Variants in RORA observed in about 807,000 individuals in gnomAD.
The protein encoded by RORA is RAR related orphan receptor A, also known as nuclear receptor ROR-alpha.
In RORA, 7 loss-of-function variants were observed where a neutral mutation model predicts 69.5. The ratio of observed to expected loss-of-function variants is 0.10; its 90% CI spans 0.06 to 0.19. RORA has a LOEUF of 0.19. Among genes scored for constraint, RORA ranks in the 10% least tolerant of loss-of-function variants. RORA has a pLI of 1.00. For synonymous variants in RORA, 261 were observed against 240.8 expected, an observed-to-expected ratio of 1.08 and a Z score of -0.78; for missense variants, 457 against 663.0, an observed-to-expected ratio of 0.69 and a Z score of 3.41.
intron 2 of RORA, among the ~76,000 whole-genome samples, chr15:60,676,441 G>A (rs78513102): frequency 1.7e-4 from 26 of 152,132 alleles, no homozygotes; most frequent in Admixed American, 8.5e-4. Context: ...TTTGTCATTC[G>A]GCCATTTTTT....
chr15:60,755,479 T>C (rs893431297), intron 1 of RORA, among the ~76,000 whole-genome samples: 1 of 152,144 alleles, frequency 6.6e-6, no homozygotes, highest in South Asian at 2.1e-4. Context: ...GCATGATTTA[T>C]AATCCTTTGG....
chr15:60,666,481 G>A (rs1596109271), intron 2 of RORA, among the ~76,000 whole-genome samples: 1 of 150,034 alleles, frequency 6.7e-6, no homozygotes, highest in South Asian at 2.1e-4. Flanking sequence ...CACCACACCC[G>A]GCCAAAAAAA....
chr15:61,079,590 C>T (rs1017226113), intron 1 of RORA, among the ~76,000 whole-genome samples: 1 of 152,198 alleles, frequency 6.6e-6, no homozygotes, highest in African/African-American at 2.4e-5. Context: ...GTAAAAAATG[C>T]ATAACTCCAT....
intron 2 of RORA, among the ~76,000 whole-genome samples, chr15:60,552,940 G>T (rs1040328167): frequency 1.3e-5 from 2 of 152,110 alleles, no homozygotes; most frequent in African/African-American, 4.8e-5. Flanking sequence ...GACAGCCTTG[G>T]ACCCCAATGC....
At chr15:60,885,286 G>A (rs569345993) in intron 1 of RORA, among the ~76,000 whole-genome samples, 1 of 152,294 alleles carries the variant, frequency 6.6e-6, no homozygotes, top group Admixed American at 6.5e-5. Context: ...CTCTGTAGTA[G>A]AACCATGTAG....
chr15:61,163,408 T>C (rs1339484065), intron 1 of RORA, among the ~76,000 whole-genome samples: 1 of 152,138 alleles, frequency 6.6e-6, no homozygotes, highest in Non-Finnish European at 1.5e-5. Flanking sequence ...CCAGAAGACA[T>C]AAATTCTGCC....
Position 61,131,985 on chromosome 15 carries a change from T to C in RORA, c.166+97068A>G, listed in dbSNP as rs936562721. 6.6e-6 allele frequency among the ~76,000 whole-genome samples: 1 copy of C among 152,248 alleles called. No homozygotes were observed. Among genetic ancestry groups the C allele is most frequent in the Non-Finnish European group, 1.5e-5 (1 of 68,040 alleles). On this transcript the variant is annotated intron_variant, in intron 1 of 10. Transcript: ENST00000335670. The surrounding 1 kb of genome is among the most constrained non-coding windows in gnomAD (Gnocchi z 4.2). ...AGATGGAACTTATGGGTAGAATTCA[T>C]GCCCCTTGGGGCATTCTCCATTGCC...
chr15:60,762,874 G>A (rs1343715905), intron 1 of RORA, among the ~76,000 whole-genome samples: 2 of 151,976 alleles, frequency 1.3e-5, no homozygotes, highest in African/African-American at 2.4e-5. Context: ...TAGAACTTCC[G>A]CTACCTGATT....
At chr15:60,994,031 A>G (rs1164639128) in intron 1 of RORA, among the ~76,000 whole-genome samples, 1 of 152,224 alleles carries the variant, frequency 6.6e-6, no homozygotes, top group African/African-American at 2.4e-5. Flanking sequence ...GCACTAAGTA[A>G]CTTGGTAAAA....
chr15:61,001,351 T>A (rs543703141), intron 1 of RORA, among the ~76,000 whole-genome samples: 30 of 152,350 alleles, frequency 2.0e-4, no homozygotes, highest in African/African-American at 7.2e-4. Flanking sequence ...CACAAAATAA[T>A]CTGCTTCCTG....
At chr15:60,783,068 C>G (rs1188560209) in intron 1 of RORA, among the ~76,000 whole-genome samples, 1 of 152,126 alleles carries the variant, frequency 6.6e-6, no homozygotes, top group East Asian at 1.9e-4. Context: ...GACATACACA[C>G]AAAATTCCAG....
At chr15:61,184,986 CAAA>C (rs775960162) in intron 1 of RORA, among the ~76,000 whole-genome samples, 5 of 59,658 alleles carry the variant, frequency 8.4e-5, no homozygotes, top group South Asian at 7.2e-4. Flanking sequence ...CCCTGTCTCT[CAAA>C]AAAAAAAAAA....
intron 2 of RORA, among the ~76,000 whole-genome samples, chr15:60,586,234 T>C (rs2068330776): frequency 6.6e-6 from 1 of 152,224 alleles, no homozygotes; most frequent in Non-Finnish European, 1.5e-5. Context: ...AAGTTTTTCA[T>C]CTTTAAGTCA....
intron 1 of RORA, among the ~76,000 whole-genome samples, chr15:61,142,676 A>G (rs1300966285): frequency 6.6e-6 from 1 of 152,228 alleles, no homozygotes; most frequent in Non-Finnish European, 1.5e-5. Context: ...AATAGAGCTT[A>G]TTAAAGGGAT....
intron 2 of RORA, among the ~76,000 whole-genome samples, chr15:60,569,264 A>T (rs1346091869): frequency 2.0e-4 from 26 of 131,592 alleles, no homozygotes; most frequent in African/African-American, 7.7e-4. Context: ...AAAAAATTAA[A>T]AAAAAAAAAA....
chr15:60,844,598 A>G (rs1006698048), intron 1 of RORA, among the ~76,000 whole-genome samples: 52 of 152,232 alleles, frequency 3.4e-4, no homozygotes, highest in Non-Finnish European at 1.0e-4. Context: ...TATGGCAAGA[A>G]GCAGCAAAGA....
chr15:60,638,500 CA>C (rs1359174806), intron 2 of RORA, among the ~76,000 whole-genome samples: 2 of 149,452 alleles, frequency 1.3e-5, no homozygotes, highest in African/African-American at 2.5e-5. Context: ...TGCAAAGTTA[CA>C]AAAAGTGGAT....
chr15:61,178,052 A>C (rs2079647575), intron 1 of RORA, among the ~76,000 whole-genome samples: 1 of 151,996 alleles, frequency 6.6e-6, no homozygotes. Context: ...GCAGATAAAA[A>C]CCTTCCTTCC....
intron 2 of RORA, among the ~76,000 whole-genome samples, chr15:60,590,593 C>A (rs1267541862): frequency 6.6e-6 from 1 of 151,504 alleles, no homozygotes; most frequent in Non-Finnish European, 1.5e-5. Context: ...ATAGCAAAAT[C>A]AATTTTATAA....
Sources: gnomAD v4.1 joint callset for allele counts (sites outside exome capture counted in the v4.1 genomes callset) on GRCh38, gnomAD v4.1.1 for gene constraint, Gnocchi (gnomAD v3.1) non-coding constraint, MANE v1.5 for transcripts, NCBI Gene and HGNC (gene_info 2026-07-23, HGNC 2026-07-21) for gene names.